Variants in GAD1 observed in about 807,000 individuals in gnomAD.
GAD1 encodes 67 kDa glutamic acid decarboxylase.
GAD1 carries 35 observed loss-of-function variants against 75.2 expected under a neutral mutation model. That is an observed-to-expected ratio of 0.47 (90% CI 0.36 to 0.62). GAD1 has a LOEUF of 0.62. Among genes scored for constraint, GAD1 ranks in the 20% least tolerant of loss-of-function variants. The probability of loss-of-function intolerance (pLI) is 0.00; values close to 1 mark genes in which losing one functional copy is unlikely to be tolerated. For synonymous variants in GAD1, 257 were observed against 271.9 expected (o/e 0.95, Z 0.54); for missense variants, 490 against 758.5 (o/e 0.65, Z 4.16).
chr2:170,848,944 A>G, intron 11 of GAD1: 1 of 423,874 alleles, frequency 2.4e-6, no homozygotes, highest in Non-Finnish European at 4.6e-6. Flanking sequence ...AGCAGCTTCC[A>G]GAGCCACCCG....
intron 3 of GAD1, 88 bp from the exon 4 acceptor site, chr2:170,829,387 C>T (rs961038145): frequency 7.0e-7 from 1 of 1,428,324 alleles, no homozygotes; most frequent in Non-Finnish European, 9.9e-7. Flanking sequence ...AACAAGAGCC[C>T]TGCTTGGAGA....
At chr2:170,820,441 G>A (rs34210682) in intron 2 of GAD1, among the ~76,000 whole-genome samples, 3,300 of 152,350 alleles carry the variant, frequency 0.022, 62 homozygotes, top group African/African-American at 0.046. Flanking sequence ...CTACGCATCC[G>A]CACCCCAGGC....
chr2:170,825,092 G>A (rs1031787899), intron 3 of GAD1, among the ~76,000 whole-genome samples: 1 of 152,092 alleles, frequency 6.6e-6, no homozygotes, highest in African/African-American at 2.4e-5. Context: ...GTTAGCCCAA[G>A]AAAATCAGAA....
intron 15 of GAD1, among the ~76,000 whole-genome samples, chr2:170,858,308 G>C (rs781570478): frequency 1.8e-4 from 27 of 152,152 alleles, no homozygotes; most frequent in Non-Finnish European, 3.7e-4. Flanking sequence ...TTATGCTGTA[G>C]AAACAGTCTT....
At chr2:170,848,285 G>A (rs1018651219) in intron 11 of GAD1, among the ~76,000 whole-genome samples, 1 of 152,098 alleles carries the variant, frequency 6.6e-6, no homozygotes, top group Non-Finnish European at 1.5e-5. Context: ...ATCACCTGAG[G>A]TCAGGAGTTT....
chr2:170,856,501 T>TTTG (rs372609026), intron 14 of GAD1, among the ~76,000 whole-genome samples: 57 of 152,338 alleles, frequency 3.7e-4, no homozygotes, highest in Middle Eastern at 3.4e-3. Flanking sequence ...GAACCAGTTA[T>TTTG]TTGTTGTTGT....
rs566272913 is a variant in GAD1, at chr2:170,860,982, C to T, written c.*1100C>T. 4 of 152,744 alleles carry T rather than the reference C, an allele frequency of 2.6e-5. No individual in the cohort carries two copies. Among genetic ancestry groups the T allele is most frequent in the South Asian group, 4.1e-4 (2 of 4,828 alleles). 9.5% of individuals were successfully genotyped at this position (152,744 alleles called of 1,614,324 possible). A position where few individuals can be genotyped will look rare whatever the true frequency, so the allele number is the denominator to read the frequency against. Reference sequence around the variant, plus strand: ...TAGTTGATGACCAATCTCTGTGACTCGCTTAGCTGAAACCTAAGGCAACAT... The same window carrying T: ...TAGTTGATGACCAATCTCTGTGACTTGCTTAGCTGAAACCTAAGGCAACAT... On this transcript the variant is annotated 3_prime_UTR_variant, in exon 17 of 17. Transcript: ENST00000358196.
intron 12 of GAD1, among the ~76,000 whole-genome samples, chr2:170,852,124 C>T (rs1702753865): frequency 6.6e-6 from 1 of 152,206 alleles, no homozygotes; most frequent in African/African-American, 2.4e-5. Context: ...CAGGCTCCAA[C>T]ACTTCCCAAC....
chr2:170,842,942 A>G (rs911857749), intron 6 of GAD1, among the ~76,000 whole-genome samples: 2 of 152,218 alleles, frequency 1.3e-5, no homozygotes, highest in African/African-American at 4.8e-5. Flanking sequence ...TTAGTCTTCA[A>G]CATTAGCACT....
At chr2:170,857,222 G>A (rs1702871263) in intron 15 of GAD1, 97 bp downstream of exon 15, 1 of 910,928 alleles carries the variant, frequency 1.1e-6, no homozygotes. Flanking sequence ...TCAATCCCAT[G>A]TTGCCAGAAA....
In GAD1 at chr2:170,860,057, G is replaced by C; in HGVS notation, c.*175G>C. The C allele has an allele frequency of 4.4e-6, 3 of 681,370 alleles. No homozygotes were observed. The highest frequency in any genetic ancestry group is 7.5e-6 in the Non-Finnish European group (3 of 398,318). The allele number at this position is 681,370 out of a possible 1,614,324, so 42.2% of individuals were successfully genotyped here. On this transcript the variant is annotated 3_prime_UTR_variant, in exon 17 of 17. Coordinates refer to ENST00000358196, the MANE Select transcript of GAD1 (RefSeq NM_000817.3). The stretch of plus-strand genomic sequence containing the variant: ...TGTTTGTTCTAGTTAGCAGGAAATA[G>C]TGTTCTTTTTAAAAAGTTGCACATT...
At chr2:170,821,840 G>C in intron 2 of GAD1, 1 of 536,542 alleles carries the variant, frequency 1.9e-6, no homozygotes, top group Non-Finnish European at 3.4e-6. Flanking sequence ...GAGGGGCGCC[G>C]GGTGCCCCGC....
chr2:170,824,589 C>T lies in GAD1; in HGVS notation c.145+2440C>T, dbSNP rs867103712. Among the ~76,000 whole-genome samples, 48 of 152,218 alleles carry T rather than the reference C, an allele frequency of 3.2e-4. No individual in the cohort carries two copies. The Middle Eastern group carries it at 0.01, about 32-fold the overall frequency. Reference sequence around the variant, plus strand: ...CTCAGAAGCACCCTCAGTGCCTTGCCAAAATTCAACCCCCACCCACTCTCC... The same window carrying T: ...CTCAGAAGCACCCTCAGTGCCTTGCTAAAATTCAACCCCCACCCACTCTCC... On this transcript the variant is annotated intron_variant, in intron 3 of 16. Transcript: ENST00000358196.
At chr2:170,815,106 G>A (rs941124517), upstream of GAD1, among the ~76,000 whole-genome samples, 2 of 152,242 alleles carry the variant, frequency 1.3e-5, no homozygotes, top group South Asian at 4.1e-4. Context: ...CTCGTTTAGG[G>A]AAGGCTCTAG....
intron 6 of GAD1, chr2:170,842,861 C>T: frequency 1.3e-6 from 1 of 775,730 alleles, no homozygotes; most frequent in South Asian, 1.9e-5. Flanking sequence ...TCACCTGTGT[C>T]TTATGTAAAA....
Position 170,836,999 on chromosome 2 carries a change from T to G in GAD1, c.638+116T>G. The stretch of plus-strand genomic sequence containing the variant: ...AAAGTTTCCCTGGTCATTTTTTCTC[T>G]TAAAATCTTTAGGTTTATCACAGTT... On this transcript the variant is annotated intron_variant, in intron 6 of 16. Transcript: ENST00000358196. 4.1e-6 allele frequency: 3 copies of G among 727,966 alleles called. No homozygotes were observed. In the South Asian group the frequency reaches 4.7e-5, roughly 11 times the overall value. 45.1% of individuals were successfully genotyped at this position (727,966 alleles called of 1,614,324 possible). A position where few individuals can be genotyped will look rare whatever the true frequency, so the allele number is the denominator to read the frequency against.
At position 170,818,697 on chromosome 2, in the gene GAD1, T is replaced by C; in HGVS notation, c.82+24T>C. 6.2e-7 allele frequency: 1 copy of C among 1,608,786 alleles called. No homozygotes were observed. Among genetic ancestry groups the C allele is most frequent in the South Asian group, 1.1e-5 (1 of 90,968 alleles). ...AAGTAGGTCCCGCCCCAATTTTCTA[T>C]CAAATGAACTGCAGGGAAGATGGGG... On this transcript the variant is annotated intron_variant, in intron 2 of 16. Coordinates refer to ENST00000358196, the MANE Select transcript of GAD1 (RefSeq NM_000817.3). This position sits in a 1 kb window ranked among gnomAD's most constrained non-coding sequence, Gnocchi z 5.9.
rs3791862 is a variant in GAD1 at position 170,827,248 on chromosome 2, C to A, written c.146-2227C>A. Among the ~76,000 whole-genome samples the A allele has an allele frequency of 0.02, 3,064 of 152,266 alleles. 222 individuals are homozygous for A. The East Asian group carries it at 0.27, about 13-fold the overall frequency. ...GTCCTGGGAAGCAAAGCTGAATTCT[C>A]CAGATTAACTTGCCTTTTTGCACCT... On this transcript the variant is annotated intron_variant, in intron 3 of 16. Coordinates refer to ENST00000358196, the MANE Select transcript of GAD1 (RefSeq NM_000817.3).
At chr2:170,816,084 C>T (rs1164235978), upstream of GAD1, 3 of 152,214 alleles carry the variant, frequency 2.0e-5, no homozygotes, top group Non-Finnish European at 1.5e-5. Flanking sequence ...CCTCTGTGCT[C>T]GGGTGCCCCA....
Sources: gnomAD v4.1 joint callset for allele counts (sites outside exome capture counted in the v4.1 genomes callset) on GRCh38, gnomAD v4.1.1 for gene constraint, Gnocchi (gnomAD v3.1) non-coding constraint, MANE v1.5 for transcripts, NCBI Gene and HGNC (gene_info 2026-07-23, HGNC 2026-07-21) for gene names.